GNS: variants seen among roughly 807,000 people sequenced by gnomAD.
GNS encodes N-acetylglucosamine-6-sulfatase.
In GNS, 40 loss-of-function variants were observed where a neutral mutation model predicts 69.7. The ratio of observed to expected loss-of-function variants is 0.57; its 90% CI spans 0.45 to 0.75. GNS has a LOEUF of 0.75. Ranked by LOEUF, GNS falls within the 30% of genes least tolerant of loss-of-function variation. GNS has a pLI of 0.00. For synonymous variants in GNS, 243 were observed against 251.6 expected (o/e 0.97, Z 0.32); for missense variants, 565 against 685.5 (o/e 0.82, Z 1.96).
rs557465666 is a variant in GNS at position 64,727,641 on chromosome 12, G to C, written c.1200+1315C>G. On this transcript the variant is annotated intron_variant, in intron 10 of 13. Transcript: ENST00000258145. The stretch of plus-strand genomic sequence containing the variant: ...CTCAGTGAAAAAACCAGTTACAAGG[G>C]GCCACATATTATGTAATTTCATTTA... 3.9e-5 allele frequency among the ~76,000 whole-genome samples: 6 copies of C among 152,138 alleles called. No individual in the cohort carries two copies. In the South Asian group the frequency reaches 1.2e-3, roughly 32 times the overall value.
chr12:64,747,542 A>G (rs1869931927), intron 3 of GNS, among the ~76,000 whole-genome samples, 170 bp downstream of exon 3: 1 of 152,228 alleles, frequency 6.6e-6, no homozygotes, highest in African/African-American at 2.4e-5. Flanking sequence ...GTACATGTGT[A>G]CTTATATGAA....
intron 1 of GNS, among the ~76,000 whole-genome samples, chr12:64,754,902 AAAG>A (rs59680151): frequency 0.042 from 6,370 of 151,878 alleles, 414 homozygotes; most frequent in African/African-American, 0.14. Flanking sequence ...AAAAAAAAAA[AAAG>A]AAGTTTTTAT....
At chr12:64,745,246 GTC>G (rs1869864755) in intron 4 of GNS, among the ~76,000 whole-genome samples, 1 of 106,596 alleles carries the variant, frequency 9.4e-6, no homozygotes, top group Non-Finnish European at 1.7e-5. Flanking sequence ...AAGAGACAGA[GTC>G]TCTCTTTGTT....
intron 7 of GNS, among the ~76,000 whole-genome samples, chr12:64,740,163 T>C (rs1869687952): frequency 6.6e-6 from 1 of 152,238 alleles, no homozygotes; most frequent in Non-Finnish European, 1.5e-5. Flanking sequence ...TGGTCTACAC[T>C]AAACACTTCC....
chr12:64,715,137 C>T lies in GNS; in HGVS notation c.*1604G>A, dbSNP rs1247501173. ...CAAGTTACAAACCACAGCTCTTCCT[C>T]CTCCCCTGCTGTCTCACCACCAATT... On this transcript the variant is annotated 3_prime_UTR_variant, in exon 14 of 14. Transcript: ENST00000258145. The T allele has an allele frequency of 6.6e-6, 1 of 152,626 alleles. No individual in the cohort carries two copies. The highest frequency in any genetic ancestry group is 2.4e-5 in the African/African-American group (1 of 41,454). 9.5% of individuals were successfully genotyped at this position (152,626 alleles called of 1,614,324 possible).
intron 1 of GNS, among the ~76,000 whole-genome samples, chr12:64,758,391 C>T (rs943574443): frequency 2.1e-5 from 3 of 141,576 alleles, no homozygotes; most frequent in Non-Finnish European, 4.5e-5. Flanking sequence ...GGCGCGATCT[C>T]GGCTCACTGC....
chr12:64,759,281 G>T lies in GNS; in HGVS notation c.-5C>A. On this transcript the variant is annotated 5_prime_UTR_variant, in exon 1 of 14. Coordinates refer to ENST00000258145, the MANE Select transcript of GNS (RefSeq NM_002076.4). ...GGCTAGAGGCAGGAGCCGCATAGCG[G>T]ACAGGCTCCGGGGTGACCCCGGGAC... 6.6e-7 allele frequency: 1 copy of T among 1,511,206 alleles called. No homozygotes were observed. The highest frequency in any genetic ancestry group is 8.9e-7 in the Non-Finnish European group (1 of 1,129,458). The allele number at this position is 1,511,206 out of a possible 1,614,324, so 93.6% of individuals were successfully genotyped here. A position where few individuals can be genotyped will look rare whatever the true frequency, so the allele number is the denominator to read the frequency against.
At chr12:64,759,017 G>T in intron 1 of GNS, 68 bp downstream of exon 1, 1 of 1,323,076 alleles carries the variant, frequency 7.6e-7, no homozygotes, top group Non-Finnish European at 1.1e-6. Context: ...TGGGGACCGG[G>T]AAAGAGAGCA....
intron 9 of GNS, among the ~76,000 whole-genome samples, chr12:64,730,608 A>G (rs1212767269): frequency 2.0e-5 from 3 of 152,144 alleles, no homozygotes; most frequent in South Asian, 2.1e-4. Flanking sequence ...GGAGAAAGGC[A>G]ATCCATATGT....
intron 11 of GNS, 47 bp downstream of exon 11, chr12:64,722,959 T>C (rs1047544554): frequency 2.7e-6 from 3 of 1,098,648 alleles, no homozygotes; most frequent in African/African-American, 1.5e-5. Flanking sequence ...CACCTTGCCA[T>C]GTTGTCAGTG....
At chr12:64,753,872 T>A (rs1290975705) in intron 1 of GNS, among the ~76,000 whole-genome samples, 1 of 152,138 alleles carries the variant, frequency 6.6e-6, no homozygotes, top group Non-Finnish European at 1.5e-5. Context: ...CGAAGCAAGG[T>A]CGTCAGCCAT....
chr12:64,747,606 G>GTA (rs2136249791), intron 3 of GNS, 106 bp downstream of exon 3: 1 of 738,968 alleles, frequency 1.4e-6, no homozygotes, highest in Non-Finnish European at 2.4e-6. Flanking sequence ...AGAAAACAAC[G>GTA]TATACCAAGA....
chr12:64,747,680 T>C, intron 3 of GNS, 32 bp downstream of exon 3: 1 of 1,116,940 alleles, frequency 9.0e-7, no homozygotes. Context: ...TTAAAAGCCA[T>C]TATAAAAAAA....
At chr12:64,717,104 AG>A (rs757657160) in intron 13 of GNS, among the ~76,000 whole-genome samples, 12 of 152,090 alleles carry the variant, frequency 7.9e-5, no homozygotes, top group Middle Eastern at 3.2e-3. Context: ...TTTTCTTTTG[AG>A]GGAGTAGGGG....
intron 9 of GNS, among the ~76,000 whole-genome samples, chr12:64,736,521 G>C (rs533166282): frequency 6.6e-6 from 1 of 152,238 alleles, no homozygotes; most frequent in African/African-American, 2.4e-5. Context: ...AGAAAAGCCT[G>C]AGGGGCTCTG....
chr12:64,747,743 T>C lies in GNS; in HGVS notation c.428A>G (p.Gln143Arg). The part of the protein sequence containing the change: ...PAILRSMCGY[Q>R]TFFAGKYLNE... ...TAAATATTTCCCTGCAAAAAAGGTCTGATAACCACACATTGATCTGAGAAT... is the reference window on the plus strand; with the variant it reads ...TAAATATTTCCCTGCAAAAAAGGTCCGATAACCACACATTGATCTGAGAAT... Residue 143 changes from glutamine to arginine, a missense_variant, in exon 3 of 14, where the codon CAG becomes CGG. By Grantham distance (43) the Gln-to-Arg change is conservative. Coordinates refer to ENST00000258145, the MANE Select transcript of GNS (RefSeq NM_002076.4). The C allele has an allele frequency of 6.2e-7, 1 of 1,611,254 alleles. No individual in the cohort carries two copies. Among genetic ancestry groups the C allele is most frequent in the Non-Finnish European group, 8.5e-7 (1 of 1,177,330 alleles).
At chr12:64,751,805 G>C (rs1870084948) in intron 2 of GNS, among the ~76,000 whole-genome samples, 1 of 151,952 alleles carries the variant, frequency 6.6e-6, no homozygotes, top group South Asian at 2.1e-4. Flanking sequence ...TGGCTAACAT[G>C]GTGAAACCCC....
At chr12:64,752,807 GAC>G (rs767267508) in intron 1 of GNS, 50 bp from the exon 2 acceptor site, 4 of 903,312 alleles carry the variant, frequency 4.4e-6, no homozygotes, top group Non-Finnish European at 5.6e-6. Context: ...AATAAATTGA[GAC>G]ACACAGCCCA....
chr12:64,756,657 A>T (rs1387980577), intron 1 of GNS: 5 of 932,862 alleles, frequency 5.4e-6, no homozygotes, highest in African/African-American at 1.7e-5. Context: ...AAGTATAAAA[A>T]TCCTCATACT....
Sources: gnomAD v4.1 joint callset for allele counts (sites outside exome capture counted in the v4.1 genomes callset) on GRCh38, gnomAD v4.1.1 for gene constraint, MANE v1.5 for transcripts, NCBI Gene and HGNC (gene_info 2026-07-23, HGNC 2026-07-21) for gene names.